The following STARD9 variants were observed in gnomAD, a reference collection of about 807,000 sequenced individuals.
The protein encoded by STARD9 is StAR related lipid transfer domain containing 9.
STARD9 carries 346 observed loss-of-function variants against 399.8 expected under a neutral mutation model. That is an observed-to-expected ratio of 0.87 (90% CI 0.79 to 0.95). The LOEUF is 0.95. STARD9 is among the 40% of genes least tolerant of loss of function. STARD9 has a pLI of 0.00. For synonymous variants in STARD9, 2,203 were observed against 2,143.5 expected (o/e 1.03, Z -0.77); for missense variants, 5,832 against 5,667.5 (o/e 1.03, Z -0.93).
Position 42,694,378 on chromosome 15 carries a change from G to A in STARD9, c.12764+36G>A, listed in dbSNP as rs764466960. 2.6e-6 allele frequency: 4 copies of A among 1,536,012 alleles called. No individual in the cohort carries two copies. In the African/African-American group the frequency reaches 5.5e-5, roughly 21 times the overall value. Reference sequence around the variant, plus strand: ...CCAGCCTGGAGTCGGGAGGGGAAGGGGTGGGCTGTGAGGAAAGAGAACCCA... The same window carrying A: ...CCAGCCTGGAGTCGGGAGGGGAAGGAGTGGGCTGTGAGGAAAGAGAACCCA... On this transcript the variant is annotated intron_variant, in intron 23 of 32. Coordinates refer to ENST00000290607, the MANE Select transcript of STARD9 (RefSeq NM_020759.3).
rs2060593065 is a variant in STARD9 at position 42,687,610 on chromosome 15, G to C, written c.6032G>C (p.Cys2011Ser). 1 of 1,537,086 alleles carries C rather than the reference G, an allele frequency of 6.5e-7. No homozygotes were observed. The highest frequency in any genetic ancestry group is 2.4e-5 in the East Asian group (1 of 40,928). ...PAYERFQLVACPQERNPSECK... is the reference protein window; with the variant it reads ...PAYERFQLVASPQERNPSECK... ...TATGAAAGGTTCCAGTTAGTTGCAT[G>C]CCCTCAGGAAAGAAACCCCAGTGAA... The change falls in exon 23 of 33, where the codon TGC (cysteine) becomes TCC (serine). Residue 2011 changes from cysteine (C) to serine (S), a missense_variant. Physicochemically the swap from Cys to Ser is moderately radical, Grantham distance 112. Transcript: ENST00000290607.
intron 15 of STARD9, 35 bp downstream of exon 15, chr15:42,665,883 A>C: frequency 6.6e-7 from 1 of 1,515,230 alleles, no homozygotes; most frequent in Non-Finnish European, 8.9e-7. Flanking sequence ...TGTTCTTTAC[A>C]TCACCTGGGA....
intron 3 of STARD9, among the ~76,000 whole-genome samples, chr15:42,609,073 A>T (rs2058796338): frequency 6.6e-6 from 1 of 152,084 alleles, no homozygotes; most frequent in African/African-American, 2.4e-5. Flanking sequence ...GCATCCCTAG[A>T]TCTAGAGACC....
chr15:42,625,662 T>TTTTTA (rs1555393101), intron 3 of STARD9, among the ~76,000 whole-genome samples: 1 of 150,304 alleles, frequency 6.7e-6, no homozygotes, highest in East Asian at 1.9e-4. Flanking sequence ...TTTTTTTTTT[T>TTTTTA]AGGTAGATTA....
At chr15:42,629,176 C>T (rs1778279917) in intron 3 of STARD9, among the ~76,000 whole-genome samples, 1 of 152,084 alleles carries the variant, frequency 6.6e-6, no homozygotes, top group African/African-American at 2.4e-5. Context: ...TACACCACTA[C>T]ACCCTGCTAA....
chr15:42,678,270 G>A (rs947757660), intron 20 of STARD9, among the ~76,000 whole-genome samples: 2 of 152,170 alleles, frequency 1.3e-5, no homozygotes, highest in African/African-American at 2.4e-5. Context: ...GTGTGTCTAC[G>A]AGTCTCTCCC....
intron 26 of STARD9, among the ~76,000 whole-genome samples, chr15:42,707,109 G>A (rs2061104950): frequency 6.6e-6 from 1 of 152,090 alleles, no homozygotes; most frequent in East Asian, 1.9e-4. Flanking sequence ...GGAAAGAAAG[G>A]TGGTAGTTTT....
chr15:42,633,872 G>A (rs2059375637), intron 3 of STARD9, among the ~76,000 whole-genome samples: 1 of 152,010 alleles, frequency 6.6e-6, no homozygotes, highest in Non-Finnish European at 1.5e-5. Context: ...TCGAACTCCT[G>A]ACCTCAGGTG....
At chr15:42,626,090 T>C (rs1490091713) in intron 3 of STARD9, among the ~76,000 whole-genome samples, 1 of 151,590 alleles carries the variant, frequency 6.6e-6, no homozygotes, top group Non-Finnish European at 1.5e-5. Flanking sequence ...CCTGGCTAAT[T>C]GTTGTATTTT....
At position 42,658,442 on chromosome 15, in the gene STARD9, C is replaced by A. The variant is rs1324360989; in HGVS notation, c.703-2716C>A. Among the ~76,000 whole-genome samples the A allele has an allele frequency of 4.7e-5, 7 of 149,488 alleles. No homozygotes were observed. The Admixed American group carries it at 4.7e-4, about 10-fold the overall frequency. On this transcript the variant is annotated intron_variant, in intron 9 of 32. Coordinates refer to ENST00000290607, the MANE Select transcript of STARD9 (RefSeq NM_020759.3). ...CCTCCTGTCTCAGCCTCCCAAAATG[C>A]TGGGATTACAGGCATGACCCACCAT...
chr15:42,634,152 A>G (rs2059379902), intron 3 of STARD9, among the ~76,000 whole-genome samples: 1 of 152,300 alleles, frequency 6.6e-6, no homozygotes, highest in Middle Eastern at 3.4e-3. Context: ...CCCACGTAGC[A>G]TTCTGCTGAA....
intron 3 of STARD9, among the ~76,000 whole-genome samples, chr15:42,595,761 A>G (rs2058490073): frequency 6.6e-6 from 1 of 152,066 alleles, no homozygotes; most frequent in South Asian, 2.1e-4. Flanking sequence ...GAAGGGAGAG[A>G]AGTTTATAAG....
At chr15:42,717,893 T>G in intron 29 of STARD9, 84 bp from the exon 30 acceptor site, 2 of 1,501,726 alleles carry the variant, frequency 1.3e-6, no homozygotes, top group Non-Finnish European at 1.8e-6. Flanking sequence ...ATTCCTCAAG[T>G]CTTCACTCTG....
At chr15:42,702,905 T>C (rs972202689) in intron 26 of STARD9, among the ~76,000 whole-genome samples, 1 of 152,204 alleles carries the variant, frequency 6.6e-6, no homozygotes, top group Non-Finnish European at 1.5e-5. Context: ...CTGCCAGACC[T>C]ATTGGAGCTC....
In STARD9 at chr15:42,685,552, A is replaced by G. The variant is rs1268480385; in HGVS notation, c.3974A>G (p.Gln1325Arg). The change falls in exon 23 of 33, where the codon CAG becomes CGG. Residue 1325 changes from glutamine to arginine, a missense_variant. Physicochemically the swap from Gln to Arg is conservative, Grantham distance 43. Around this residue, in one of 2 missense-constraint regions of STARD9, gnomAD observed 5,828 missense variants for 5,651.1 expected, o/e 1.03. Coordinates refer to ENST00000290607, the MANE Select transcript of STARD9 (RefSeq NM_020759.3). ...SEQADSLQGMQLSRESPLMSM... is the reference protein window; with the variant it reads ...SEQADSLQGMRLSRESPLMSM... ...CAAGCCGACTCTCTCCAAGGCATGC[A>G]GCTTTCAAGAGAGAGCCCACTGATG... 2.0e-6 allele frequency: 3 copies of G among 1,537,606 alleles called. No individual in the cohort carries two copies. In the Admixed American group the frequency reaches 5.9e-5, roughly 30 times the overall value.
chr15:42,684,722 G>C lies in STARD9; in HGVS notation c.3144G>C (p.Leu1048=). 6.5e-7 allele frequency: 1 copy of C among 1,537,196 alleles called. No individual in the cohort carries two copies. The highest frequency in any genetic ancestry group is 8.7e-7 in the Non-Finnish European group (1 of 1,146,914). ...SRASKRHQRV[L]ATRVRNITKK... is the part of the protein sequence containing the mutation. The stretch of plus-strand genomic sequence containing the variant: ...CATCAAAAAGGCATCAGAGGGTTCT[G>C]GCAACTAGGGTCAGAAATATTACCA... Residue 1048 remains leucine, a synonymous_variant, in exon 23 of 33, where the codon CTG becomes CTC. Coordinates refer to ENST00000290607, the MANE Select transcript of STARD9 (RefSeq NM_020759.3).
chr15:42,684,259 G>A lies in STARD9; in HGVS notation c.2681G>A (p.Gly894Asp). ...PARTGCLRKN[G>D]LHSSGHGQPC... ...AGGACAGGGTGCCTCCGCAAGAACG[G>A]CCTGCATTCCTCAGGTCATGGGCAG... Residue 894 changes from glycine (G) to aspartate (D), a missense_variant, in exon 23 of 33, where the codon GGC becomes GAC. Gly to Asp is a moderately conservative substitution (Grantham distance 94). This residue lies in a region of STARD9 where 5,828 missense variants were observed against 5,651.1 expected (regional missense o/e 1.03). Coordinates refer to ENST00000290607, the MANE Select transcript of STARD9 (RefSeq NM_020759.3). The A allele has an allele frequency of 1.3e-6, 2 of 1,537,236 alleles. No individual in the cohort carries two copies. Among genetic ancestry groups the A allele is most frequent in the South Asian group, 1.2e-5 (1 of 84,064 alleles).
intron 3 of STARD9, among the ~76,000 whole-genome samples, chr15:42,613,178 T>C (rs910306470): frequency 1.1e-4 from 17 of 152,188 alleles, no homozygotes; most frequent in Non-Finnish European, 1.9e-4. Flanking sequence ...CTGTTATCTC[T>C]ATATAAACTC....
intron 3 of STARD9, among the ~76,000 whole-genome samples, chr15:42,605,018 G>A (rs954518486): frequency 6.6e-6 from 1 of 152,098 alleles, no homozygotes; most frequent in African/African-American, 2.4e-5. Flanking sequence ...TCTTGAGGGT[G>A]CTGTTTCATG....
Sources: gnomAD v4.1 joint callset for allele counts (sites outside exome capture counted in the v4.1 genomes callset) on GRCh38, gnomAD v4.1.1 for gene constraint, gnomAD v4.1.1 regional missense constraint, MANE v1.5 for transcripts, NCBI Gene and HGNC (gene_info 2026-07-23, HGNC 2026-07-21) for gene names.